LRRC4C: variants seen among roughly 807,000 people sequenced by gnomAD.
The protein encoded by LRRC4C is leucine rich repeat containing 4C.
LRRC4C carries 5 observed loss-of-function variants against 33.6 expected under a neutral mutation model. That is an observed-to-expected ratio of 0.15 (90% CI 0.08 to 0.31). The LOEUF is 0.31. Among genes scored for constraint, LRRC4C ranks in the 10% least tolerant of loss-of-function variants. The probability of loss-of-function intolerance (pLI) is 1.00; values close to 1 mark genes in which losing one functional copy is unlikely to be tolerated. For missense variants in LRRC4C, 560 were observed against 796.7 expected (o/e 0.70, Z 3.58); for synonymous variants, 329 against 302.0 (o/e 1.09, Z -0.93).
chr11:41,106,757 G>T (rs1941521547), intron 1 of LRRC4C, among the ~76,000 whole-genome samples: 1 of 151,964 alleles, frequency 6.6e-6, no homozygotes, highest in Non-Finnish European at 1.5e-5. Context: ...GGTTGGCGGG[G>T]TACAGCAACT....
At chr11:40,448,471 A>G (rs1386969682) in intron 3 of LRRC4C, among the ~76,000 whole-genome samples, 2 of 151,362 alleles carry the variant, frequency 1.3e-5, no homozygotes, top group East Asian at 1.9e-4. Context: ...TCATTGTTCA[A>G]CTCCCATGTA....
intron 3 of LRRC4C, among the ~76,000 whole-genome samples, chr11:40,477,873 G>T (rs1005476611): frequency 6.6e-6 from 1 of 152,140 alleles, no homozygotes; most frequent in Non-Finnish European, 1.5e-5. Flanking sequence ...TAATTCCCAC[G>T]TGTTATGGGA....
intron 1 of LRRC4C, among the ~76,000 whole-genome samples, chr11:41,020,184 T>C (rs1037355545): frequency 1.4e-4 from 21 of 152,158 alleles, no homozygotes; most frequent in African/African-American, 4.8e-4. Flanking sequence ...TGGAATTATA[T>C]AGTACAAAAT....
In LRRC4C at chr11:40,996,412, C is replaced by T. The variant is rs562182037; in HGVS notation, c.-495-62689G>A. 2.6e-5 allele frequency among the ~76,000 whole-genome samples: 4 copies of T among 152,142 alleles called. No homozygotes were observed. In the East Asian group the frequency reaches 5.8e-4, roughly 22 times the overall value. On this transcript the variant is annotated intron_variant, in intron 1 of 6. Coordinates refer to ENST00000528697, the MANE Select transcript of LRRC4C (RefSeq NM_001258419.2). ...AAATTGTCAAGGTTTTAGAAATACT[C>T]ACTGATGGTTCTTATCTGTAGGCAA...
intron 2 of LRRC4C, among the ~76,000 whole-genome samples, chr11:40,742,708 T>C (rs1948218033): frequency 6.6e-6 from 1 of 152,072 alleles, no homozygotes; most frequent in Non-Finnish European, 1.5e-5. Context: ...AATCTAGTAC[T>C]TGGGATCTGT....
In LRRC4C at chr11:41,448,122, G is replaced by GGTTTTGTTTTTTTTTTTTTTTTTTTTT; in HGVS notation, c.-496+11308_-496+11309insAAAAAAAAAAAAAAAAAAAAACAAAAC. ...ACAAACGAGGCTGCTGCACACGTCTGTTTTTTTTTTTTTTTTTTTTGGAGC... is the reference window on the plus strand; with the variant it reads ...ACAAACGAGGCTGCTGCACACGTCTGGTTTTGTTTTTTTTTTTTTTTTTTTTTTTTTTTTTTTTTTTTTTTTTGGAGC... On this transcript the variant is annotated intron_variant, in intron 1 of 6. Coordinates refer to ENST00000528697, the MANE Select transcript of LRRC4C (RefSeq NM_001258419.2). Among the ~76,000 whole-genome samples the GGTTTTGTTTTTTTTTTTTTTTTTTTTT allele has an allele frequency of 4.3e-5, 2 of 46,948 alleles. 1 individual carries two copies. Among genetic ancestry groups the GGTTTTGTTTTTTTTTTTTTTTTTTTTT allele is most frequent in the Non-Finnish European group, 8.7e-5 (2 of 22,918 alleles). 30.8% of individuals were successfully genotyped at this position (46,948 alleles called of 152,430 possible).
At chr11:41,293,559 A>T (rs1206106779) in intron 1 of LRRC4C, among the ~76,000 whole-genome samples, 1 of 151,532 alleles carries the variant, frequency 6.6e-6, no homozygotes. Flanking sequence ...TACTTCACTA[A>T]TCATGTTATT....
intron 2 of LRRC4C, among the ~76,000 whole-genome samples, chr11:40,752,605 G>A (rs750235758): frequency 1.3e-5 from 2 of 151,322 alleles, no homozygotes; most frequent in African/African-American, 2.4e-5. Flanking sequence ...AAACAAAACA[G>A]CAACAACAAA....
At chr11:40,654,673 T>C (rs1943003873) in intron 2 of LRRC4C, among the ~76,000 whole-genome samples, 1 of 152,178 alleles carries the variant, frequency 6.6e-6, no homozygotes, top group Non-Finnish European at 1.5e-5. Context: ...TTTGGGTTAA[T>C]ACCGAATTAA....
chr11:40,850,824 T>A (rs1309460926), intron 2 of LRRC4C, among the ~76,000 whole-genome samples: 1 of 152,226 alleles, frequency 6.6e-6, no homozygotes, highest in African/African-American at 2.4e-5. Flanking sequence ...AGAGATGTCC[T>A]GCCAGAGAGG....
chr11:40,628,531 G>C (rs146232171), intron 3 of LRRC4C, among the ~76,000 whole-genome samples: 2 of 152,110 alleles, frequency 1.3e-5, no homozygotes, highest in South Asian at 4.1e-4. Context: ...ATCTTTTAGA[G>C]TATGAGACTC....
intron 1 of LRRC4C, among the ~76,000 whole-genome samples, chr11:41,050,252 T>C (rs976679600): frequency 2.0e-5 from 3 of 152,174 alleles, no homozygotes; most frequent in East Asian, 1.9e-4. Flanking sequence ...ATCTGTACAT[T>C]GCATGTGTTA....
intron 1 of LRRC4C, among the ~76,000 whole-genome samples, chr11:41,238,896 T>C (rs1006575869): frequency 1.3e-5 from 2 of 152,102 alleles, no homozygotes; most frequent in African/African-American, 2.4e-5. Context: ...ATCTCAGAGA[T>C]TGCTTACTGG....
intron 1 of LRRC4C, among the ~76,000 whole-genome samples, chr11:41,242,419 G>C (rs1054539401): frequency 6.6e-6 from 1 of 152,064 alleles, no homozygotes; most frequent in African/African-American, 2.4e-5. Flanking sequence ...TGGGTCAGCA[G>C]GTCCATCTGT....
chr11:41,161,645 C>CA (rs1016768171), intron 1 of LRRC4C, among the ~76,000 whole-genome samples: 13 of 152,164 alleles, frequency 8.5e-5, no homozygotes, highest in African/African-American at 2.9e-4. Flanking sequence ...AATCCTGAGT[C>CA]AAAAACTGAT....
At chr11:40,539,908 T>C (rs1049972741) in intron 3 of LRRC4C, among the ~76,000 whole-genome samples, 5 of 152,182 alleles carry the variant, frequency 3.3e-5, no homozygotes, top group Admixed American at 6.6e-5. Context: ...AAATGTGTAA[T>C]CTATTTGAAC....
At chr11:40,991,088 A>G (rs1244040394) in intron 1 of LRRC4C, among the ~76,000 whole-genome samples, 1 of 151,706 alleles carries the variant, frequency 6.6e-6, no homozygotes, top group African/African-American at 2.4e-5. Context: ...ACAAAAAAAA[A>G]AAAAAGAAAA....
intron 1 of LRRC4C, among the ~76,000 whole-genome samples, chr11:41,035,510 T>C (rs961626334): frequency 6.6e-6 from 1 of 152,142 alleles, no homozygotes; most frequent in Non-Finnish European, 1.5e-5. Context: ...GTTAGTGTGC[T>C]AAAGATAATG....
At chr11:40,292,659 G>T (rs76244463) in intron 4 of LRRC4C, 8,410 of 148,214 alleles carry the variant, frequency 0.057, 380 homozygotes, top group Non-Finnish European at 0.065. Flanking sequence ...TTTTTGGGGG[G>T]GGGGAGGGGA....
Sources: gnomAD v4.1 joint callset for allele counts (sites outside exome capture counted in the v4.1 genomes callset) on GRCh38, gnomAD v4.1.1 for gene constraint, MANE v1.5 for transcripts, NCBI Gene and HGNC (gene_info 2026-07-23, HGNC 2026-07-21) for gene names.